Variants in ADGRF5 observed in about 807,000 individuals in gnomAD.
ADGRF5 encodes the protein G-protein coupled receptor 116.
ADGRF5 carries 75 observed loss-of-function variants against 132.3 expected under a neutral mutation model. That is an observed-to-expected ratio of 0.57 (90% CI 0.47 to 0.69). ADGRF5 has a LOEUF of 0.69. Among genes scored for constraint, ADGRF5 ranks in the 30% least tolerant of loss-of-function variants. ADGRF5 has a pLI of 0.00. For missense variants in ADGRF5, 1,516 were observed against 1,630.6 expected (o/e 0.93, Z 1.21); for synonymous variants, 629 against 597.6 (o/e 1.05, Z -0.77).
chr6:46,950,735 G>A (rs557356920), intron 1 of ADGRF5, among the ~76,000 whole-genome samples: 6 of 152,100 alleles, frequency 3.9e-5, no homozygotes, highest in African/African-American at 9.7e-5. Flanking sequence ...GGAAGGTCTC[G>A]ATCTCTTGAC....
At chr6:46,888,247 T>A (rs1773256279) in intron 4 of ADGRF5, 88 bp downstream of exon 4, 1 of 933,224 alleles carries the variant, frequency 1.1e-6, no homozygotes, top group Non-Finnish European at 1.7e-6. Context: ...GCCTACTAAG[T>A]AAAAGATTGC....
At chr6:46,867,905 G>A (rs1770625530) in intron 12 of ADGRF5, among the ~76,000 whole-genome samples, 1 of 152,186 alleles carries the variant, frequency 6.6e-6, no homozygotes. Flanking sequence ...AGATTAATGT[G>A]ACTGCAAAAG....
intron 1 of ADGRF5, among the ~76,000 whole-genome samples, chr6:46,914,681 A>G (rs1381900045): frequency 6.6e-6 from 1 of 151,616 alleles, no homozygotes; most frequent in East Asian, 1.9e-4. Context: ...ATTGCCATCT[A>G]TGTGAAAACA....
At position 46,884,188 on chromosome 6, in the gene ADGRF5, T is replaced by C. The variant is rs1463033411; in HGVS notation, c.412A>G (p.Ile138Val). 3.1e-6 allele frequency: 5 copies of C among 1,613,598 alleles called. No homozygotes were observed. The highest frequency in any genetic ancestry group is 2.2e-5 in the East Asian group (1 of 44,874). The change falls in exon 5 of 21, where the codon ATT (isoleucine) becomes GTT (valine). Residue 138 changes from isoleucine (I) to valine (V), a missense_variant. Ile to Val is a conservative substitution (Grantham distance 29, BLOSUM62 3). Around this residue, in one of 2 missense-constraint regions of ADGRF5, gnomAD observed 945 missense variants for 929.4 expected, o/e 1.02. Coordinates refer to ENST00000283296, the MANE Select transcript of ADGRF5 (RefSeq NM_001098518.2). ...WPRERCLHNL[I>V]CQERDVFLPG... Reference sequence around the variant, plus strand: ...AGGAAGACGTCACGCTCTTGACAAATGAGATTGTGAAGACACCTTTCCCGA... The same window carrying C: ...AGGAAGACGTCACGCTCTTGACAAACGAGATTGTGAAGACACCTTTCCCGA...
rs909550987 is a variant in ADGRF5, at chr6:46,943,511, T to C, written c.-25+11223A>G. Among the ~76,000 whole-genome samples, 4 of 152,208 alleles carry C rather than the reference T, an allele frequency of 2.6e-5. No homozygotes were observed. In the East Asian group the frequency reaches 7.7e-4, roughly 29 times the overall value. ...GGTGATGATGATGATACTATTGCTA[T>C]TTTTAATTGCTATCTCTTGTTGAGG... On this transcript the variant is annotated intron_variant, in intron 1 of 20. Coordinates refer to the ADGRF5 transcript ENST00000265417.
intron 2 of ADGRF5, among the ~76,000 whole-genome samples, chr6:46,901,077 G>T (rs1033253937): frequency 6.6e-6 from 1 of 152,110 alleles, no homozygotes; most frequent in Non-Finnish European, 1.5e-5. Flanking sequence ...ATTCAGGGAG[G>T]GGGCATCAAG....
At chr6:46,953,566 G>A (rs184477527) in intron 1 of ADGRF5, among the ~76,000 whole-genome samples, 1 of 148,722 alleles carries the variant, frequency 6.7e-6, no homozygotes, top group African/African-American at 2.5e-5. Flanking sequence ...AGGTTGTGCT[G>A]AGATTGCACC....
At chr6:46,945,814 A>C (rs1778282984) in intron 1 of ADGRF5, among the ~76,000 whole-genome samples, 1 of 152,232 alleles carries the variant, frequency 6.6e-6, no homozygotes, top group African/African-American at 2.4e-5. Context: ...ATGGCTGGGG[A>C]GGCCTCACAA....
rs371789824 is a variant in ADGRF5, at chr6:46,858,816, G to A, written c.3087C>T (p.Ala1029=). ...ACACCACAGCTTCCACAACTAGACA[G>A]GCTGCCAAGCTCAAGATGGAAAAGC... ...GVGFSILSLA[A]CLVVEAVVWK... Residue 1029 remains alanine, a synonymous_variant, in exon 17 of 21, where the codon GCC becomes GCT. Coordinates refer to ENST00000283296, the MANE Select transcript of ADGRF5 (RefSeq NM_001098518.2). 4 of 1,614,130 alleles carry A rather than the reference G, an allele frequency of 2.5e-6. No individual in the cohort carries two copies. The South Asian group carries it at 4.4e-5, about 18-fold the overall frequency.
rs1235906851 is a variant in ADGRF5, at chr6:46,906,779, T to A, written c.-17A>T. On this transcript the variant is annotated 5_prime_UTR_variant, in exon 2 of 21. Coordinates refer to ENST00000283296, the MANE Select transcript of ADGRF5 (RefSeq NM_001098518.2). ...GGATTTCATGTCTTCAAGTTTGAGTTGGTTGGCCTGAAATGGAAATATGAT... is the reference window on the plus strand; with the variant it reads ...GGATTTCATGTCTTCAAGTTTGAGTAGGTTGGCCTGAAATGGAAATATGAT... The A allele has an allele frequency of 1.5e-6, 2 of 1,345,046 alleles. No homozygotes were observed. 83.3% of individuals were successfully genotyped at this position (1,345,046 alleles called of 1,614,324 possible).
At chr6:46,867,553 A>G (rs1214360448) in intron 12 of ADGRF5, among the ~76,000 whole-genome samples, 2 of 152,118 alleles carry the variant, frequency 1.3e-5, no homozygotes, top group Admixed American at 1.3e-4. Flanking sequence ...TGGTGTTATG[A>G]CACCCCTATC....
chr6:46,938,850 T>A lies in ADGRF5; in HGVS notation c.-25+15884A>T, dbSNP rs1005480061. 2.0e-5 allele frequency among the ~76,000 whole-genome samples: 3 copies of A among 149,630 alleles called. No homozygotes were observed. The Admixed American group carries it at 2.0e-4, about 10-fold the overall frequency. On this transcript the variant is annotated intron_variant, in intron 1 of 20. Transcript: ENST00000265417. ...CAAAGCCTCTCCCCAAAACTAGCCT[T>A]ATTTTTCATTCTTTCTACTTTTCTG...
chr6:46,863,751 A>G (rs1419057308), intron 14 of ADGRF5, among the ~76,000 whole-genome samples: 2 of 152,156 alleles, frequency 1.3e-5, no homozygotes, highest in Non-Finnish European at 2.9e-5. Flanking sequence ...GATCTTAACC[A>G]CTGTATATAA....
chr6:46,868,793 T>C (rs1290427580), intron 12 of ADGRF5, 90 bp downstream of exon 12: 5 of 780,296 alleles, frequency 6.4e-6, no homozygotes, highest in Non-Finnish European at 8.5e-6. Flanking sequence ...CATAGGCATG[T>C]CTCAAAGAAG....
intron 10 of ADGRF5, among the ~76,000 whole-genome samples, chr6:46,875,263 A>G (rs1771522891): frequency 6.6e-6 from 1 of 152,188 alleles, no homozygotes; most frequent in Admixed American, 6.5e-5. Context: ...GTTTCCTACA[A>G]CACCCCTGGG....
intron 1 of ADGRF5, among the ~76,000 whole-genome samples, chr6:46,933,438 G>T (rs1777662033): frequency 6.6e-6 from 1 of 152,190 alleles, no homozygotes; most frequent in South Asian, 2.1e-4. Context: ...CCAGGTCCAA[G>T]TTGTGGATAT....
Position 46,863,049 on chromosome 6 carries a change from C to T in ADGRF5, c.2038G>A (p.Gly680Arg), listed in dbSNP as rs1036099361. Residue 680 changes from glycine to arginine, a missense_variant, in exon 15 of 21, where the codon GGG becomes AGG. Around this residue, in one of 2 missense-constraint regions of ADGRF5, gnomAD observed 945 missense variants for 929.4 expected, o/e 1.02. Transcript: ENST00000283296. ...QDPVIGVGEP[G>R]KVIQKLCRFS... is the part of the protein sequence containing the mutation. ...CGGCATAGCTTCTGGATGACTTTCC[C>T]CGGCTCTCCGACACCTATTACGGGA... 6.2e-7 allele frequency: 1 copy of T among 1,614,026 alleles called. No individual in the cohort carries two copies. The highest frequency in any genetic ancestry group is 1.7e-5 in the Admixed American group (1 of 60,022).
intron 3 of ADGRF5, among the ~76,000 whole-genome samples, chr6:46,893,371 T>C (rs1190294877): frequency 1.3e-5 from 2 of 152,038 alleles, no homozygotes; most frequent in African/African-American, 2.4e-5. Flanking sequence ...GCTGAGACTT[T>C]TTCCCCTGTA....
chr6:46,892,490 G>A (rs1374326074), intron 3 of ADGRF5, among the ~76,000 whole-genome samples: 4 of 152,130 alleles, frequency 2.6e-5, no homozygotes, highest in African/African-American at 7.2e-5. Context: ...GGTGGCTCAC[G>A]CTTGTAATCC....
Sources: allele counts gnomAD v4.1 joint callset (sites outside exome capture counted in the v4.1 genomes callset), GRCh38; gene constraint gnomAD v4.1.1; regional missense constraint gnomAD v4.1.1; transcripts MANE v1.5; gene names NCBI Gene and HGNC (gene_info 2026-07-23, HGNC 2026-07-21).